Variants in CACNA1E observed in about 807,000 individuals in gnomAD.
CACNA1E encodes the protein calcium voltage-gated channel subunit alpha1 E.
CACNA1E carries 40 observed loss-of-function variants against 259.2 expected under a neutral mutation model. The observed-to-expected ratio is 0.15, with a 90% confidence interval of 0.12 to 0.20. The LOEUF (loss-of-function observed/expected upper bound fraction) is 0.20. Ranked by LOEUF, CACNA1E falls within the 10% of genes least tolerant of loss-of-function variation. The probability of loss-of-function intolerance (pLI) is 1.00; values close to 1 mark genes in which losing one functional copy is unlikely to be tolerated. For missense variants in CACNA1E, 1,874 were observed against 3,040.1 expected, an observed-to-expected ratio of 0.62 and a Z score of 9.02; for synonymous variants, 1,104 against 1,138.5, an observed-to-expected ratio of 0.97 and a Z score of 0.61.
intron 1 of CACNA1E, among the ~76,000 whole-genome samples, chr1:181,338,188 C>T (rs758929372): frequency 1.3e-5 from 2 of 152,088 alleles, no homozygotes; most frequent in South Asian, 2.1e-4. Context: ...CAGGTTCAAG[C>T]GATTCTCCTG....
At chr1:181,480,499 G>A (rs1663161205), upstream of CACNA1E, among the ~76,000 whole-genome samples, 1 of 152,212 alleles carries the variant, frequency 6.6e-6, no homozygotes, top group South Asian at 2.1e-4. Flanking sequence ...ATTTGCACAT[G>A]TAGTATCCCA....
At chr1:181,544,266 C>T (rs907185711) in intron 3 of CACNA1E, among the ~76,000 whole-genome samples, 6 of 152,046 alleles carry the variant, frequency 3.9e-5, no homozygotes, top group Non-Finnish European at 8.8e-5. Context: ...CCATAAAGGG[C>T]GTACGATAGT....
intron 1 of CACNA1E, among the ~76,000 whole-genome samples, chr1:181,356,996 AT>A (rs2101904034): frequency 6.6e-6 from 1 of 152,254 alleles, no homozygotes; most frequent in East Asian, 1.9e-4. Context: ...ACGACGGTTC[AT>A]TTCTGATTAT....
chr1:181,502,934 A>T (rs1665382454), intron 1 of CACNA1E, among the ~76,000 whole-genome samples: 3 of 152,090 alleles, frequency 2.0e-5, no homozygotes. Flanking sequence ...CTTGACCTCA[A>T]GTGATTCACT....
chr1:181,456,943 A>G (rs1661500098), intron 2 of CACNA1E, among the ~76,000 whole-genome samples: 1 of 152,194 alleles, frequency 6.6e-6, no homozygotes, highest in South Asian at 2.1e-4. Flanking sequence ...AATCTTTAAG[A>G]CTGCCTGTTT....
At chr1:181,481,534 G>T (rs1204639897), upstream of CACNA1E, among the ~76,000 whole-genome samples, 1 of 152,222 alleles carries the variant, frequency 6.6e-6, no homozygotes, top group African/African-American at 2.4e-5. Flanking sequence ...CTCACCCATG[G>T]TTTCCAACCT....
intron 7 of CACNA1E, among the ~76,000 whole-genome samples, chr1:181,686,288 T>A (rs1025851538): frequency 7.6e-6 from 1 of 132,422 alleles, no homozygotes; most frequent in African/African-American, 3.0e-5. Flanking sequence ...TTTTTTTTTT[T>A]TTTTTTTTTT....
At chr1:181,693,492 A>C (rs2102335831) in intron 7 of CACNA1E, among the ~76,000 whole-genome samples, 1 of 152,346 alleles carries the variant, frequency 6.6e-6, no homozygotes, top group East Asian at 1.9e-4. Flanking sequence ...GAATGACATC[A>C]TCTCCTTTGG....
At chr1:181,795,574 G>A (rs1482620204) in intron 46 of CACNA1E, among the ~76,000 whole-genome samples, 1 of 151,444 alleles carries the variant, frequency 6.6e-6, no homozygotes, top group Non-Finnish European at 1.5e-5. Flanking sequence ...CTGAATAGCT[G>A]GGACTACAGG....
rs2102652741 is a variant in CACNA1E, at chr1:181,346,574, C to A, written c.-15+28451C>A. Among the ~76,000 whole-genome samples, 6 of 152,244 alleles carry A rather than the reference C, an allele frequency of 3.9e-5. No homozygotes were observed. The Middle Eastern group carries it at 0.017, about 432-fold the overall frequency. ...TCCTAATCAATTCAGGTTACTTTAC[C>A]TTTTCTCAGTCCCTCCTGGCAATTC... is the stretch of plus-strand genomic sequence containing the variant. On this transcript the variant is annotated intron_variant, in intron 1 of 11. Transcript: ENST00000524607.
At chr1:181,794,808 G>T in intron 45 of CACNA1E, 56 bp from the exon 46 acceptor site, 1 of 1,504,622 alleles carries the variant, frequency 6.6e-7, no homozygotes, top group East Asian at 2.3e-5. Context: ...TGTCCTTTTA[G>T]ATCTTTTCAA....
chr1:181,386,987 G>A (rs764381864), intron 1 of CACNA1E, among the ~76,000 whole-genome samples: 2 of 152,208 alleles, frequency 1.3e-5, no homozygotes, highest in Non-Finnish European at 2.9e-5. Context: ...TTGTTCGATT[G>A]ATTGACTCCT....
chr1:181,646,317 G>T (rs1355024146), intron 6 of CACNA1E, among the ~76,000 whole-genome samples: 4 of 152,184 alleles, frequency 2.6e-5, no homozygotes, highest in Non-Finnish European at 1.5e-5. Flanking sequence ...CAGGAATGCT[G>T]CTAAGGCACA....
chr1:181,745,497 C>T, intron 25 of CACNA1E: 1 of 336,086 alleles, frequency 3.0e-6, no homozygotes. Context: ...AAAATGCACC[C>T]TGTGAGCCTT....
At chr1:181,384,598 C>T (rs923418569) in intron 1 of CACNA1E, among the ~76,000 whole-genome samples, 9 of 152,046 alleles carry the variant, frequency 5.9e-5, no homozygotes, top group South Asian at 4.1e-4. Flanking sequence ...TTTAAAGTTG[C>T]GATTTCTGGT....
chr1:181,588,019 C>G (rs1652259119), intron 6 of CACNA1E, among the ~76,000 whole-genome samples: 1 of 152,202 alleles, frequency 6.6e-6, no homozygotes, highest in African/African-American at 2.4e-5. Context: ...GTTCTGATTT[C>G]TAATTTGATG....
intron 1 of CACNA1E, among the ~76,000 whole-genome samples, chr1:181,373,518 C>T (rs1654850076): frequency 6.7e-6 from 1 of 149,426 alleles, no homozygotes; most frequent in South Asian, 2.1e-4. Flanking sequence ...TTTGGATGTT[C>T]TCTCTTTTTC....
At chr1:181,377,891 A>G (rs1655204568) in intron 1 of CACNA1E, among the ~76,000 whole-genome samples, 1 of 152,224 alleles carries the variant, frequency 6.6e-6, no homozygotes, top group Admixed American at 6.5e-5. Context: ...ACTCTTAATA[A>G]CACACTATCC....
chr1:181,684,236 T>A (rs945548327), intron 7 of CACNA1E, among the ~76,000 whole-genome samples: 8 of 152,240 alleles, frequency 5.3e-5, no homozygotes, highest in Admixed American at 3.9e-4. Context: ...TGATTAGTGA[T>A]GTTGAACATT....
Sources: allele counts gnomAD v4.1 joint callset (sites outside exome capture counted in the v4.1 genomes callset), GRCh38; gene constraint gnomAD v4.1.1; transcripts MANE v1.5; gene names NCBI Gene and HGNC (gene_info 2026-07-23, HGNC 2026-07-21).